Variants in BICC1 observed in about 807,000 individuals in gnomAD.
BICC1 encodes the protein BicC family RNA binding protein 1.
In BICC1, 43 loss-of-function variants were observed where a neutral mutation model predicts 111.0. The observed-to-expected ratio is 0.39, with a 90% CI of 0.30 to 0.50. The LOEUF (loss-of-function observed/expected upper bound fraction) is 0.50, where lower values mean the gene tolerates loss of function less well. BICC1 is among the 20% of genes least tolerant of loss of function. The pLI, the probability that BICC1 is intolerant of heterozygous loss-of-function variation, is 0.88. For synonymous variants in BICC1, 467 were observed against 434.4 expected (o/e 1.07, Z -0.93); for missense variants, 1,091 against 1,203.2 (o/e 0.91, Z 1.38).
chr10:58,806,459 A>G, intron 15 of BICC1, 125 bp from the exon 16 acceptor site: 1 of 795,512 alleles, frequency 1.3e-6, no homozygotes, highest in East Asian at 2.5e-5. Flanking sequence ...ATTATTGTGC[A>G]AAGCTTGGTG....
At chr10:58,769,416 A>G (rs1235667723) in intron 3 of BICC1, among the ~76,000 whole-genome samples, 1 of 144,920 alleles carries the variant, frequency 6.9e-6, no homozygotes, top group Non-Finnish European at 1.5e-5. Context: ...ATATATATAT[A>G]TATATATATA....
chr10:58,778,423 G>T (rs2132754142), intron 3 of BICC1, among the ~76,000 whole-genome samples: 1 of 152,166 alleles, frequency 6.6e-6, no homozygotes, highest in South Asian at 2.1e-4. Context: ...ATAAAAGGTT[G>T]ATTAGCATAT....
At chr10:58,823,372 AAAC>A (rs1844306887) in intron 20 of BICC1, 4 of 985,334 alleles carry the variant, frequency 4.1e-6, no homozygotes, top group African/African-American at 3.5e-5. Context: ...CTTATCATTT[AAAC>A]AACAACAACA....
chr10:58,794,928 G>A (rs914937558), intron 9 of BICC1, among the ~76,000 whole-genome samples: 3 of 152,090 alleles, frequency 2.0e-5, no homozygotes, highest in African/African-American at 7.2e-5. Flanking sequence ...ACACGAGAAT[G>A]GTGTTGAGTA....
At chr10:58,612,167 A>G (rs1845446706) in intron 1 of BICC1, among the ~76,000 whole-genome samples, 1 of 152,236 alleles carries the variant, frequency 6.6e-6, no homozygotes, top group Non-Finnish European at 1.5e-5. Context: ...TTTAATGATG[A>G]CTATGATTTT....
chr10:58,657,657 A>G (rs1838701836), intron 2 of BICC1, among the ~76,000 whole-genome samples: 1 of 152,212 alleles, frequency 6.6e-6, no homozygotes, highest in Non-Finnish European at 1.5e-5. Context: ...AAAGGGGTAT[A>G]TATAATGTTA....
At chr10:58,689,706 A>G (rs1188148732) in intron 2 of BICC1, among the ~76,000 whole-genome samples, 2 of 152,214 alleles carry the variant, frequency 1.3e-5, no homozygotes, top group Admixed American at 1.3e-4. Flanking sequence ...CGGAGCAAAC[A>G]TTCAGTCCAC....
At chr10:58,621,532 G>A (rs1845806912) in intron 2 of BICC1, among the ~76,000 whole-genome samples, 1 of 152,096 alleles carries the variant, frequency 6.6e-6, no homozygotes, top group South Asian at 2.1e-4. Context: ...AGACGAATAG[G>A]CTGGATGCAG....
intron 2 of BICC1, among the ~76,000 whole-genome samples, chr10:58,697,962 T>C (rs938647692): frequency 2.0e-5 from 3 of 147,270 alleles, no homozygotes; most frequent in African/African-American, 7.4e-5. Context: ...ACTCCACTAC[T>C]CCCATCACTG....
At chr10:58,554,780 A>G (rs766957832) in intron 1 of BICC1, among the ~76,000 whole-genome samples, 1 of 140,328 alleles carries the variant, frequency 7.1e-6, no homozygotes, top group Non-Finnish European at 1.6e-5. Flanking sequence ...AAAGTCTTAT[A>G]TGACTTACAT....
At chr10:58,556,169 G>A (rs1371440199) in intron 1 of BICC1, among the ~76,000 whole-genome samples, 3 of 152,004 alleles carry the variant, frequency 2.0e-5, no homozygotes, top group Non-Finnish European at 1.5e-5. Flanking sequence ...GTCTCTTACT[G>A]TTGAATGTGA....
At chr10:58,615,313 C>G (rs1866166) in intron 1 of BICC1, among the ~76,000 whole-genome samples, 2 of 152,232 alleles carry the variant, frequency 1.3e-5, no homozygotes, top group Admixed American at 6.5e-5. Flanking sequence ...CAAATGGCCT[C>G]CATCAGTGTG....
intron 1 of BICC1, among the ~76,000 whole-genome samples, chr10:58,543,949 G>A (rs1025790851): frequency 6.6e-6 from 1 of 151,732 alleles, no homozygotes; most frequent in African/African-American, 2.4e-5. Context: ...CTACTCAAAC[G>A]TTTTAAAAGG....
At chr10:58,783,097 C>T (rs939209836) in intron 3 of BICC1, among the ~76,000 whole-genome samples, 9 of 152,132 alleles carry the variant, frequency 5.9e-5, no homozygotes, top group Non-Finnish European at 1.3e-4. Flanking sequence ...ACTCTTAAGA[C>T]CTTTGACCTT....
chr10:58,635,047 A>C (rs1837914342), intron 2 of BICC1, among the ~76,000 whole-genome samples: 1 of 152,186 alleles, frequency 6.6e-6, no homozygotes, highest in Non-Finnish European at 1.5e-5. Context: ...GACCCGTCAC[A>C]GTTTAAACTC....
At chr10:58,518,589 TTGG>T (rs113165657) in intron 1 of BICC1, among the ~76,000 whole-genome samples, 10,196 of 105,600 alleles carry the variant, frequency 0.097, 1,091 homozygotes, top group African/African-American at 0.23. Flanking sequence ...TATGTGTGTG[TTGG>T]GGGGGGGGGG....
At chr10:58,816,792 T>TGA (rs1037491463) in intron 18 of BICC1, among the ~76,000 whole-genome samples, 37 of 140,396 alleles carry the variant, frequency 2.6e-4, no homozygotes, top group African/African-American at 9.7e-4. Flanking sequence ...TGTGTGTGTG[T>TGA]GTGACTTACT....
At chr10:58,602,843 C>T (rs776566879) in intron 1 of BICC1, among the ~76,000 whole-genome samples, 1 of 152,178 alleles carries the variant, frequency 6.6e-6, no homozygotes, top group Non-Finnish European at 1.5e-5. Flanking sequence ...TAGACCAGAT[C>T]CCTTCTGAAT....
intron 1 of BICC1, among the ~76,000 whole-genome samples, chr10:58,547,050 T>C (rs1310556774): frequency 6.6e-6 from 1 of 152,226 alleles, no homozygotes; most frequent in Admixed American, 6.5e-5. Context: ...GATAAAGTTA[T>C]GAATATAGTA....
Sources: allele counts gnomAD v4.1 joint callset (sites outside exome capture counted in the v4.1 genomes callset), GRCh38; gene constraint gnomAD v4.1.1; transcripts MANE v1.5; gene names NCBI Gene and HGNC (gene_info 2026-07-23, HGNC 2026-07-21).